Variants in AGTR1 observed in about 807,000 individuals in gnomAD.
AGTR1 encodes type-1 angiotensin II receptor.
A neutral mutation model predicts 19.4 loss-of-function variants in AGTR1; 16 were observed. The ratio of observed to expected loss-of-function variants is 0.82; its 90% CI spans 0.56 to 1.25. The LOEUF is 1.25. Ranked by LOEUF, AGTR1 falls within the 50% of genes most tolerant of loss-of-function variation. The pLI, the probability that AGTR1 is intolerant of heterozygous loss-of-function variation, is 0.00. For missense variants in AGTR1, 373 were observed against 431.9 expected, an observed-to-expected ratio of 0.86 and a Z score of 1.21; for synonymous variants, 153 against 154.9, an observed-to-expected ratio of 0.99 and a Z score of 0.09.
intron 2 of AGTR1, among the ~76,000 whole-genome samples, chr3:148,709,473 A>C (rs922042404): frequency 2.0e-5 from 3 of 152,192 alleles, no homozygotes; most frequent in Non-Finnish European, 4.4e-5. Flanking sequence ...TAGGAATAAC[A>C]AAACATGGAA....
At chr3:148,738,707 C>T (rs1164118321) in intron 2 of AGTR1, among the ~76,000 whole-genome samples, 3 of 152,172 alleles carry the variant, frequency 2.0e-5, no homozygotes, top group African/African-American at 7.2e-5. Flanking sequence ...TCTAAAAGCA[C>T]CAAGGAATTT....
At chr3:148,734,856 C>T (rs1395664721) in intron 2 of AGTR1, among the ~76,000 whole-genome samples, 1 of 152,168 alleles carries the variant, frequency 6.6e-6, no homozygotes, top group East Asian at 1.9e-4. Flanking sequence ...CATCAAAAGC[C>T]ATGACTATAA....
At chr3:148,708,706 T>C (rs1252503125) in intron 2 of AGTR1, among the ~76,000 whole-genome samples, 1 of 152,202 alleles carries the variant, frequency 6.6e-6, no homozygotes, top group Non-Finnish European at 1.5e-5. Context: ...TAACTCTTCT[T>C]ACATGGGCCT....
chr3:148,736,977 C>T (rs574251546), intron 2 of AGTR1, among the ~76,000 whole-genome samples: 1 of 152,290 alleles, frequency 6.6e-6, no homozygotes, highest in South Asian at 2.1e-4. Flanking sequence ...AATCACATCT[C>T]TCTCTCCTTC....
chr3:148,734,897 T>G (rs1431048205), intron 2 of AGTR1, among the ~76,000 whole-genome samples: 1 of 152,222 alleles, frequency 6.6e-6, no homozygotes, highest in Non-Finnish European at 1.5e-5. Context: ...GCAACTTATT[T>G]GGAAATTATC....
intron 2 of AGTR1, among the ~76,000 whole-genome samples, chr3:148,719,581 T>A (rs1288784554): frequency 2.0e-5 from 3 of 152,258 alleles, no homozygotes; most frequent in Non-Finnish European, 2.9e-5. Context: ...TTGCCTGTGC[T>A]GTTCTCAGGT....
At chr3:148,715,111 G>C (rs895615220) in intron 2 of AGTR1, among the ~76,000 whole-genome samples, 2 of 152,128 alleles carry the variant, frequency 1.3e-5, no homozygotes, top group Non-Finnish European at 2.9e-5. Flanking sequence ...CCACATGTAA[G>C]TAGGAATAAA....
intron 2 of AGTR1, among the ~76,000 whole-genome samples, chr3:148,738,733 C>T (rs1346644805): frequency 2.0e-5 from 3 of 152,150 alleles, no homozygotes; most frequent in Non-Finnish European, 4.4e-5. Flanking sequence ...CTGTTTATTT[C>T]GTTTTGTTTT....
intron 2 of AGTR1, among the ~76,000 whole-genome samples, chr3:148,739,023 AC>A (rs1453579177): frequency 6.6e-6 from 1 of 152,208 alleles, no homozygotes; most frequent in Non-Finnish European, 1.5e-5. Flanking sequence ...CAAGCAACTG[AC>A]AGACCAGTGG....
intron 2 of AGTR1, among the ~76,000 whole-genome samples, chr3:148,709,344 G>C (rs3821499): frequency 1.3e-5 from 2 of 151,756 alleles, no homozygotes; most frequent in Non-Finnish European, 2.9e-5. Flanking sequence ...TTACCCAGGG[G>C]GTTCCTGCTG....
At chr3:148,705,981 G>A (rs1712645807) in intron 1 of AGTR1, among the ~76,000 whole-genome samples, 1 of 151,742 alleles carries the variant, frequency 6.6e-6, no homozygotes, top group African/African-American at 2.4e-5. Context: ...GAAAAATTAG[G>A]AACAATATAC....
intron 2 of AGTR1, among the ~76,000 whole-genome samples, chr3:148,711,686 C>T (rs1040029323): frequency 5.9e-5 from 9 of 152,088 alleles, no homozygotes; most frequent in Admixed American, 3.9e-4. Flanking sequence ...GTGCTTAGCA[C>T]ATAACTCTAT....
intron 2 of AGTR1, among the ~76,000 whole-genome samples, chr3:148,730,871 C>T (rs1472986235): frequency 6.6e-6 from 1 of 152,084 alleles, no homozygotes; most frequent in African/African-American, 2.4e-5. Context: ...AACTAGGGGA[C>T]GTCTGTGAGT....
intron 2 of AGTR1, among the ~76,000 whole-genome samples, chr3:148,720,284 G>C (rs1175146370): frequency 1.3e-5 from 2 of 152,044 alleles, no homozygotes; most frequent in Admixed American, 6.6e-5. Context: ...CACACACACA[G>C]AGGCTCAAAG....
In AGTR1 at chr3:148,741,575, T is replaced by C; in HGVS notation, c.540T>C (p.Cys180=). 1 of 1,614,088 alleles carries C rather than the reference T, an allele frequency of 6.2e-7. No individual in the cohort carries two copies. The highest frequency in any genetic ancestry group is 1.7e-5 in the Admixed American group (1 of 60,014). The change falls in exon 3 of 3, where the codon TGT becomes TGC. Residue 180 remains cysteine, a synonymous_variant. Transcript: ENST00000349243. ...TTGAGAACACCAATATTACAGTTTG[T>C]GCTTTCCATTATGAGTCCCAAAATT... The part of the protein sequence containing the change: ...FFIENTNITV[C]AFHYESQNST...
chr3:148,710,118 C>CTACT (rs1712898665), intron 2 of AGTR1, among the ~76,000 whole-genome samples: 4 of 152,272 alleles, frequency 2.6e-5, no homozygotes, highest in Admixed American at 2.6e-4. Flanking sequence ...ATAGGAAGTA[C>CTACT]TACTGGACAG....
chr3:148,713,004 TG>T (rs1253913291), intron 2 of AGTR1, among the ~76,000 whole-genome samples: 8 of 152,022 alleles, frequency 5.3e-5, no homozygotes, highest in Non-Finnish European at 1.2e-4. Flanking sequence ...AATAGATGGA[TG>T]AATTAGACAA....
chr3:148,713,931 T>C (rs1262738303), intron 2 of AGTR1, among the ~76,000 whole-genome samples: 1 of 152,172 alleles, frequency 6.6e-6, no homozygotes, highest in African/African-American at 2.4e-5. Flanking sequence ...CAAATCCCAA[T>C]GGCACTTCAG....
intron 2 of AGTR1, among the ~76,000 whole-genome samples, chr3:148,722,115 A>G (rs796802965): frequency 2.0e-5 from 3 of 152,302 alleles, no homozygotes; most frequent in African/African-American, 7.2e-5. Context: ...AACAAAGTAA[A>G]ATTCACAATG....
Sources: gnomAD v4.1 joint callset for allele counts (sites outside exome capture counted in the v4.1 genomes callset) on GRCh38, gnomAD v4.1.1 for gene constraint, MANE v1.5 for transcripts, NCBI Gene and HGNC (gene_info 2026-07-23, HGNC 2026-07-21) for gene names.